Variants in CHCHD4 observed in about 807,000 individuals in gnomAD.
CHCHD4 encodes coiled-coil-helix-coiled-coil-helix domain containing 4.
In CHCHD4, 7 loss-of-function variants were observed where a neutral mutation model predicts 12.4. That is an observed-to-expected ratio of 0.57 (90% CI 0.32 to 1.06). CHCHD4 has a LOEUF of 1.06. Among genes scored for constraint, CHCHD4 ranks in the 50% least tolerant of loss-of-function variants. The pLI is 0.04. For synonymous variants in CHCHD4, 56 were observed against 58.0 expected, an observed-to-expected ratio of 0.97 and a Z score of 0.16; for missense variants, 143 against 175.1, an observed-to-expected ratio of 0.82 and a Z score of 1.03.
intron 1 of CHCHD4, among the ~76,000 whole-genome samples, chr3:14,123,972 T>A (rs1212428810): frequency 6.6e-6 from 1 of 152,356 alleles, no homozygotes; most frequent in Middle Eastern, 3.4e-3. Flanking sequence ...AAGGCTCTTC[T>A]GGGGTCACAA....
intron 2 of CHCHD4, among the ~76,000 whole-genome samples, chr3:14,114,650 A>G (rs777807146): frequency 1.3e-5 from 2 of 152,302 alleles, no homozygotes; most frequent in Non-Finnish European, 2.9e-5. Flanking sequence ...CAAATTGACC[A>G]GGTGGTTGAT....
chr3:14,118,132 G>A (rs1694895478), intron 1 of CHCHD4, among the ~76,000 whole-genome samples: 1 of 152,158 alleles, frequency 6.6e-6, no homozygotes, highest in Admixed American at 6.5e-5. Context: ...AGAAGATCTG[G>A]GGTACTGGGA....
At position 14,112,513 on chromosome 3, in the gene CHCHD4, G is replaced by A. The variant is rs1694832067; in HGVS notation, c.*374C>T. On this transcript the variant is annotated 3_prime_UTR_variant, in exon 3 of 3. Transcript: ENST00000396914. ...TTTTGTTGTATTATTTCCCCAAGGG[G>A]TATAAAATCTACCAAAAGGAATATA... 5.6e-6 allele frequency: 1 copy of A among 179,006 alleles called. No homozygotes were observed. Among genetic ancestry groups the A allele is most frequent in the South Asian group, 1.6e-4 (1 of 6,186 alleles). 11.1% of individuals were successfully genotyped at this position (179,006 alleles called of 1,614,324 possible). A position where few individuals can be genotyped will look rare whatever the true frequency, so the allele number is the denominator to read the frequency against.
intron 1 of CHCHD4, chr3:14,121,888 G>C (rs1323944395): frequency 6.2e-7 from 1 of 1,614,140 alleles, no homozygotes; most frequent in Non-Finnish European, 8.5e-7. Flanking sequence ...TAAGAAGAAT[G>C]CAAGTGTTAG....
chr3:14,121,904 T>G (rs764823445), intron 1 of CHCHD4: 3 of 1,614,086 alleles, frequency 1.9e-6, no homozygotes, highest in Non-Finnish European at 1.7e-6. Context: ...GTTAGAAGTT[T>G]AGCTCAACAA....
intron 1 of CHCHD4, 67 bp from the exon 2 acceptor site, chr3:14,116,591 G>T: frequency 1.7e-6 from 2 of 1,194,072 alleles, no homozygotes. Context: ...TAAACCCAAA[G>T]CAGCCGCCAC....
At chr3:14,121,700 G>A (rs1694936017) in intron 1 of CHCHD4, among the ~76,000 whole-genome samples, 1 of 152,212 alleles carries the variant, frequency 6.6e-6, no homozygotes. Flanking sequence ...GAGATCTAAA[G>A]CCAGAGGGAG....
In CHCHD4 at chr3:14,113,051, C is replaced by A. The variant is rs767833015; in HGVS notation, c.265G>T (p.Asp89Tyr). 5.6e-6 allele frequency: 9 copies of A among 1,613,868 alleles called. No individual in the cohort carries two copies. Among genetic ancestry groups the A allele is most frequent in the Non-Finnish European group, 7.6e-6 (9 of 1,179,966 alleles). ...CATTCCTGCATGGCCCGGAACTGGT[C>A]TACACAGTCTGACCCCTTGATCTCC... is the stretch of plus-strand genomic sequence containing the variant. ...TEEIKGSDCV[D>Y]QFRAMQECMQ... The change falls in exon 3 of 3, where the codon GAC becomes TAC. Residue 89 changes from aspartate to tyrosine, a missense_variant. Coordinates refer to ENST00000396914, the MANE Select transcript of CHCHD4 (RefSeq NM_001098502.2).
At chr3:14,115,592 CT>C (rs1415929091) in intron 2 of CHCHD4, among the ~76,000 whole-genome samples, 1 of 152,174 alleles carries the variant, frequency 6.6e-6, no homozygotes, top group Non-Finnish European at 1.5e-5. Flanking sequence ...GCTTTAACCC[CT>C]AGGAGCAGTC....
chr3:14,116,202 A>G (rs1271004076), intron 2 of CHCHD4, among the ~76,000 whole-genome samples: 2 of 152,140 alleles, frequency 1.3e-5, no homozygotes, highest in Non-Finnish European at 2.9e-5. Flanking sequence ...CCCTCTCCCA[A>G]AACTTAGCTG....
chr3:14,124,779 C>T lies in CHCHD4; in HGVS notation c.-103G>A. On this transcript the variant is annotated 5_prime_UTR_variant, in exon 1 of 3. Coordinates refer to ENST00000396914, the MANE Select transcript of CHCHD4 (RefSeq NM_001098502.2). ...TCTGGCAGGGCGGGCTCCTCCGAAG[C>T]CCGCGCGGACCCGCCCCCTCCCAGG... is the stretch of plus-strand genomic sequence containing the variant. 7.7e-7 allele frequency: 1 copy of T among 1,300,638 alleles called. No individual in the cohort carries two copies. The allele number at this position is 1,300,638 out of a possible 1,614,324, so 80.6% of individuals were successfully genotyped here. A position where few individuals can be genotyped will look rare whatever the true frequency, so the allele number is the denominator to read the frequency against.
In CHCHD4 at chr3:14,112,901, C is replaced by T. The variant is rs916372690; in HGVS notation, c.415G>A (p.Glu139Lys). 2 of 1,612,224 alleles carry T rather than the reference C, an allele frequency of 1.2e-6. No homozygotes were observed. The highest frequency in any genetic ancestry group is 1.7e-6 in the Non-Finnish European group (2 of 1,179,162). The change falls in exon 3 of 3, where the codon GAG (glutamate) becomes AAG (lysine). Residue 139 changes from glutamate (E) to lysine (K), a missense_variant. Glu to Lys is a moderately conservative substitution (Grantham distance 56). Transcript: ENST00000396914. ...TGTGGCCTTCATTAACTTGATCCCT[C>T]CTCTTCTTTGGTTGCAGTGGCCTCA... The part of the protein sequence containing the change: ...PIEATATKEE[E>K]GSS
chr3:14,122,610 C>G (rs965476847), intron 1 of CHCHD4, among the ~76,000 whole-genome samples: 25 of 152,166 alleles, frequency 1.6e-4, no homozygotes, highest in African/African-American at 5.8e-4. Flanking sequence ...GTGATTCACT[C>G]AGAACAGAGG....
rs1457766445 is a variant in CHCHD4, at chr3:14,113,002, T to C, written c.314A>G (p.Tyr105Cys). Residue 105 changes from tyrosine to cysteine, a missense_variant, in exon 3 of 3, where the codon TAT (tyrosine) becomes TGT (cysteine). Tyr to Cys is a radical substitution (Grantham distance 194). Coordinates refer to ENST00000396914, the MANE Select transcript of CHCHD4 (RefSeq NM_001098502.2). ...QECMQKYPDL[Y>C]PQEDEDEEEE... ...TTCCTCATCCTCATCCTCTTGGGGA[T>C]AGAGGTCTGGGTATTTCTGCATGCA... 1 of 1,613,932 alleles carries C rather than the reference T, an allele frequency of 6.2e-7. No homozygotes were observed. The highest frequency in any genetic ancestry group is 1.7e-5 in the Admixed American group (1 of 59,996).
chr3:14,120,990 T>C (rs1486439731), intron 1 of CHCHD4, among the ~76,000 whole-genome samples: 3 of 152,196 alleles, frequency 2.0e-5, no homozygotes, highest in Non-Finnish European at 4.4e-5. Flanking sequence ...GTCTCTTTGT[T>C]GTGCTTATCT....
chr3:14,122,727 G>C (rs905196578), intron 1 of CHCHD4, among the ~76,000 whole-genome samples: 6 of 152,206 alleles, frequency 3.9e-5, no homozygotes, highest in Non-Finnish European at 8.8e-5. Flanking sequence ...AGCTTAGTGC[G>C]AGAAGACAGG....
chr3:14,120,539 G>A (rs547008079), intron 1 of CHCHD4, among the ~76,000 whole-genome samples: 3 of 152,154 alleles, frequency 2.0e-5, no homozygotes, highest in Admixed American at 6.5e-5. Flanking sequence ...AGATGCCACC[G>A]TCCCTGACCA....
chr3:14,113,269 T>G (rs1694841294), intron 2 of CHCHD4, 75 bp from the exon 3 acceptor site: 1 of 1,250,322 alleles, frequency 8.0e-7, no homozygotes, highest in Non-Finnish European at 1.1e-6. Flanking sequence ...CACAGGCTAC[T>G]GAGGGGGTGC....
chr3:14,124,803 G>T lies in CHCHD4; in HGVS notation c.-127C>A. ...GCCCGCGCGGACCCGCCCCCTCCCA[G>T]GCCTGCCCGCCGCGCGCCTGCCTCG... is the stretch of plus-strand genomic sequence containing the variant. On this transcript the variant is annotated 5_prime_UTR_variant, in exon 1 of 3. The change creates a new upstream start codon in the 5' untranslated region. Coordinates refer to ENST00000396914, the MANE Select transcript of CHCHD4 (RefSeq NM_001098502.2). 1 of 1,156,072 alleles carries T rather than the reference G, an allele frequency of 8.6e-7. No individual in the cohort carries two copies. Among genetic ancestry groups the T allele is most frequent in the Non-Finnish European group, 1.2e-6 (1 of 840,972 alleles). The allele number at this position is 1,156,072 out of a possible 1,614,324, so 71.6% of individuals were successfully genotyped here.
Sources: gnomAD v4.1 joint callset for allele counts (sites outside exome capture counted in the v4.1 genomes callset) on GRCh38, gnomAD v4.1.1 for gene constraint, MANE v1.5 for transcripts, NCBI Gene and HGNC (gene_info 2026-07-23, HGNC 2026-07-21) for gene names.